Variants in ABCA9 observed in about 807,000 individuals in gnomAD.
The protein encoded by ABCA9 is ATP binding cassette subfamily A member 9, also known as ATP-binding cassette sub-family A member 9.
In ABCA9, 183 loss-of-function variants were observed where a neutral mutation model predicts 205.3. The ratio of observed to expected loss-of-function variants is 0.89; its 90% CI spans 0.79 to 1.01. ABCA9 has a LOEUF of 1.01. Among genes scored for constraint, ABCA9 ranks in the 50% least tolerant of loss-of-function variants. The probability of loss-of-function intolerance (pLI) is 0.00; values close to 1 mark genes in which losing one functional copy is unlikely to be tolerated. For synonymous variants in ABCA9, 651 were observed against 683.3 expected, an observed-to-expected ratio of 0.95 and a Z score of 0.74; for missense variants, 1,805 against 1,912.4, an observed-to-expected ratio of 0.94 and a Z score of 1.05.
intron 8 of ABCA9, 144 bp from the exon 9 acceptor site, chr17:69,034,017 G>T (rs1414367531): frequency 1.2e-5 from 8 of 645,566 alleles, no homozygotes; most frequent in African/African-American, 3.7e-5. Context: ...TATTATAGAA[G>T]ACAATTTTAA....
In ABCA9 at chr17:69,023,769, AT is replaced by A. The variant is rs1054064000; in HGVS notation, c.2281+444del. On this transcript the variant is annotated intron_variant, in intron 17 of 38. Transcript: ENST00000340001. The surrounding 1 kb of genome is among the most constrained non-coding windows in gnomAD (Gnocchi z 4.2). ...GGCAGAATGCACGCCAATCCAAGTTATGTTCAATAACTTGGATTATATCAGT... is the reference window on the plus strand; with the variant it reads ...GGCAGAATGCACGCCAATCCAAGTTAGTTCAATAACTTGGATTATATCAGT... 6.6e-6 allele frequency among the ~76,000 whole-genome samples: 1 copy of A among 152,096 alleles called. No homozygotes were observed. Among genetic ancestry groups the A allele is most frequent in the African/African-American group, 2.4e-5 (1 of 41,370 alleles).
In ABCA9 at chr17:69,026,368, G is replaced by C. The variant is rs1477189976; in HGVS notation, c.2141+9C>G. 1 of 1,610,374 alleles carries C rather than the reference G, an allele frequency of 6.2e-7. No homozygotes were observed. The highest frequency in any genetic ancestry group is 8.5e-7 in the Non-Finnish European group (1 of 1,176,964). On this transcript the variant is annotated intron_variant, in intron 16 of 38. Transcript: ENST00000340001. The stretch of plus-strand genomic sequence containing the variant: ...TCTGTCAACACGTCTCCAACATTCA[G>C]GGCTGTACCTTAAATGGTAGCCTAT...
chr17:69,035,410 T>G lies in ABCA9; in HGVS notation c.964A>C (p.Ser322Arg). The change falls in exon 8 of 39, where the codon AGT (serine) becomes CGT (arginine). Residue 322 changes from serine to arginine, a missense_variant. By Grantham distance (110) the Ser-to-Arg change is moderately radical. Transcript: ENST00000340001. ...LSLITLAFLM[S>R]VLIKKPFLTG... ...AGGAAAGGTTTCTTTATCAACACACTCATCAGGAAAGCTAAAGTTATCTGA... is the reference window on the plus strand; with the variant it reads ...AGGAAAGGTTTCTTTATCAACACACGCATCAGGAAAGCTAAAGTTATCTGA... 5 of 1,589,224 alleles carry G rather than the reference T, an allele frequency of 3.1e-6. No individual in the cohort carries two copies. The highest frequency in any genetic ancestry group is 4.3e-6 in the Non-Finnish European group (5 of 1,170,170).
chr17:69,008,845 G>GTGAT (rs765166110), intron 23 of ABCA9, among the ~76,000 whole-genome samples: 11 of 152,214 alleles, frequency 7.2e-5, no homozygotes, highest in Non-Finnish European at 1.2e-4. Flanking sequence ...CATTATTGCA[G>GTGAT]TGATTGTCAT....
chr17:69,035,952 C>T, intron 6 of ABCA9, 151 bp from the exon 7 acceptor site: 1 of 959,100 alleles, frequency 1.0e-6, no homozygotes, highest in Non-Finnish European at 1.5e-6. Context: ...CCCTCAGGAT[C>T]ACATAATATA....
At chr17:69,000,369 T>C (rs1417174179) in intron 25 of ABCA9, among the ~76,000 whole-genome samples, 2 of 151,742 alleles carry the variant, frequency 1.3e-5, no homozygotes, top group Non-Finnish European at 2.9e-5. Flanking sequence ...CCCAGCACCA[T>C]TTATTAAATA....
At position 68,985,057 on chromosome 17, in the gene ABCA9, C is replaced by A; in HGVS notation, c.4280G>T (p.Arg1427Leu). The A allele has an allele frequency of 1.2e-6, 2 of 1,614,232 alleles. No homozygotes were observed. The highest frequency in any genetic ancestry group is 1.7e-6 in the Non-Finnish European group (2 of 1,180,046). The change falls in exon 33 of 39, where the codon CGA becomes CTA. Residue 1427 changes from arginine to leucine, a missense_variant. Coordinates refer to ENST00000340001, the MANE Select transcript of ABCA9 (RefSeq NM_080283.4). Reference sequence around the variant, plus strand: ...AACAACAAGCCCTGCCCGTACCTTTCGCTTTATTCCCTCTGACAAGGTCTT... The same window carrying A: ...AACAACAAGCCCTGCCCGTACCTTTAGCTTTATTCCCTCTGACAAGGTCTT... ...PVKTLSEGIKRKLCFVLSILG... is the reference protein window; with the variant it reads ...PVKTLSEGIKLKLCFVLSILG...
At chr17:69,061,725 CT>C (rs1472461696), upstream of ABCA9, among the ~76,000 whole-genome samples, 12 of 152,268 alleles carry the variant, frequency 7.9e-5, no homozygotes, top group African/African-American at 2.9e-4. Context: ...ACATTTTTAA[CT>C]GGTAATAGAT....
chr17:69,070,582 G>T, the ABCA9 span, among the ~76,000 whole-genome samples: 4 of 152,184 alleles, frequency 2.6e-5, no homozygotes, highest in African/African-American at 9.7e-5. Context: ...CATTTCCCAT[G>T]GTCTTCACAA....
chr17:69,057,572 A>G lies in ABCA9; in HGVS notation c.-14+3294T>C, dbSNP rs577481881. 3.3e-5 allele frequency among the ~76,000 whole-genome samples: 5 copies of G among 152,380 alleles called. No individual in the cohort carries two copies. In the South Asian group the frequency reaches 8.3e-4, roughly 25 times the overall value. On this transcript the variant is annotated intron_variant, in intron 1 of 38. Coordinates refer to ENST00000340001, the MANE Select transcript of ABCA9 (RefSeq NM_080283.4). Reference sequence around the variant, plus strand: ...ATAGAATTGTTTGCAGAGAACAAACAAAGAATTCAGGATATGTCTGTCCAA... The same window carrying G: ...ATAGAATTGTTTGCAGAGAACAAACGAAGAATTCAGGATATGTCTGTCCAA...
chr17:69,016,592 A>G (rs1016689008), intron 21 of ABCA9, among the ~76,000 whole-genome samples: 1 of 152,130 alleles, frequency 6.6e-6, no homozygotes, highest in African/African-American at 2.4e-5. Context: ...TCTACCCACC[A>G]TAACATCAAC....
chr17:69,017,642 G>A lies in ABCA9; in HGVS notation c.2901+14C>T. ...CCACCTTTGGTGAAATGCAGCAACT[G>A]GAGTCCAGCATACCTTTTCATCACC... On this transcript the variant is annotated intron_variant, in intron 21 of 38. Transcript: ENST00000340001. 1 of 1,611,910 alleles carries A rather than the reference G, an allele frequency of 6.2e-7. No individual in the cohort carries two copies. Among genetic ancestry groups the A allele is most frequent in the Non-Finnish European group, 8.5e-7 (1 of 1,178,714 alleles).
At chr17:69,017,816 G>A in intron 20 of ABCA9, 27 bp from the exon 21 acceptor site, 1 of 1,603,718 alleles carries the variant, frequency 6.2e-7, no homozygotes. Context: ...ATTAAAGGAA[G>A]CAAAAATGAA....
At position 69,027,018 on chromosome 17, in the gene ABCA9, G is replaced by T; in HGVS notation, c.2008C>A (p.Leu670Ile). 3 of 1,614,062 alleles carry T rather than the reference G, an allele frequency of 1.9e-6. No individual in the cohort carries two copies. Among genetic ancestry groups the T allele is most frequent in the Non-Finnish European group, 2.5e-6 (3 of 1,179,992 alleles). ...TCATCTATAAACTGGGTGCTGAAGA[G>T]AATTACTCTGTCTGATTTCCCCTCT... ...LKEGKSDRVI[L>I]FSTQFIDEAD... Residue 670 changes from leucine to isoleucine, a missense_variant, in exon 15 of 39, where the codon CTC becomes ATC. Coordinates refer to ENST00000340001, the MANE Select transcript of ABCA9 (RefSeq NM_080283.4).
At position 69,024,336 on chromosome 17, in the gene ABCA9, C is replaced by A; in HGVS notation, c.2159G>T (p.Arg720Met). ...TGATGTTATACTCTCTGGATCACAC[C>A]TTTCATTCAGATGCAAACTAACATT... ...GYHLSLHLNE[R>M]CDPESITSLV... is the part of the protein sequence containing the mutation. The change falls in exon 17 of 39, where the codon AGG becomes ATG. Residue 720 changes from arginine to methionine, a missense_variant. Transcript: ENST00000340001. 6.3e-7 allele frequency: 1 copy of A among 1,589,310 alleles called. No individual in the cohort carries two copies. Among genetic ancestry groups the A allele is most frequent in the South Asian group, 1.2e-5 (1 of 86,748 alleles).
rs143613059 is a variant in ABCA9, at chr17:69,027,801, A to T, written c.1630T>A (p.Tyr544Asn). ...GCCATTCTTGAAAGTGTGTGATTAT[A>T]GACAGTGACTGAACCTGAAAGCAGA... ...SVPTSGSVTV[Y>N]NHTLSRMADI... Residue 544 changes from tyrosine to asparagine, a missense_variant, in exon 13 of 39, where the codon TAT becomes AAT. Physicochemically the swap from Tyr to Asn is moderately radical, Grantham distance 143 (BLOSUM62 -2). Coordinates refer to ENST00000340001, the MANE Select transcript of ABCA9 (RefSeq NM_080283.4). 85 of 1,607,670 alleles carry T rather than the reference A, an allele frequency of 5.3e-5. No individual in the cohort carries two copies. In the African/African-American group the frequency reaches 9.8e-4, roughly 18 times the overall value.
intron 2 of ABCA9, among the ~76,000 whole-genome samples, chr17:69,050,343 AACACAC>A (rs58213498): frequency 0.05 from 7,415 of 147,826 alleles, 227 homozygotes; most frequent in Non-Finnish European, 0.069. Flanking sequence ...CACACACACG[AACACAC>A]ACACACACAC....
At chr17:69,062,537 G>A (rs980367871), upstream of ABCA9, among the ~76,000 whole-genome samples, 2 of 152,002 alleles carry the variant, frequency 1.3e-5, no homozygotes. Context: ...TTGAGACGGA[G>A]TTTCCCTCTG....
chr17:68,977,190 C>G (rs2068912665), intron 37 of ABCA9, among the ~76,000 whole-genome samples: 1 of 152,092 alleles, frequency 6.6e-6, no homozygotes, highest in Admixed American at 6.5e-5. Flanking sequence ...GACTCAGGAG[C>G]TGCCAGGTGG....
Sources: allele counts gnomAD v4.1 joint callset (sites outside exome capture counted in the v4.1 genomes callset), GRCh38; gene constraint gnomAD v4.1.1; non-coding constraint Gnocchi (gnomAD v3.1); transcripts MANE v1.5; gene names NCBI Gene and HGNC (gene_info 2026-07-23, HGNC 2026-07-21).